ZCCHC14: variants seen among roughly 807,000 people sequenced by gnomAD.
ZCCHC14 encodes the protein zinc finger CCHC domain-containing protein 14.
Under a neutral mutation model 85.0 loss-of-function variants are expected in ZCCHC14, and 16 were observed. The ratio of observed to expected loss-of-function variants is 0.19; its 90% confidence interval spans 0.13 to 0.29. The LOEUF (loss-of-function observed/expected upper bound fraction) is 0.29. Among genes scored for constraint, ZCCHC14 ranks in the 10% least tolerant of loss-of-function variants. The pLI is 1.00. For synonymous variants in ZCCHC14, 775 were observed against 630.7 expected (o/e 1.23, Z -3.43); for missense variants, 1,303 against 1,443.5 (o/e 0.90, Z 1.58).
intron 8 of ZCCHC14, among the ~76,000 whole-genome samples, chr16:87,416,192 C>T (rs1363739039): frequency 6.6e-6 from 1 of 151,964 alleles, no homozygotes; most frequent in Admixed American, 6.5e-5. Context: ...TCCCAAAGTG[C>T]TGGGATTACA....
At chr16:87,440,925 T>C (rs993755470) in intron 2 of ZCCHC14, among the ~76,000 whole-genome samples, 4 of 151,710 alleles carry the variant, frequency 2.6e-5, no homozygotes, top group African/African-American at 9.7e-5. Flanking sequence ...CTGCCCTTCA[T>C]TTTCAGATGA....
At chr16:87,432,401 G>T (rs931027595) in intron 3 of ZCCHC14, among the ~76,000 whole-genome samples, 1 of 152,208 alleles carries the variant, frequency 6.6e-6, no homozygotes, top group Non-Finnish European at 1.5e-5. Context: ...TTAAGAGAAA[G>T]ATTTCAAGCC....
intron 2 of ZCCHC14, among the ~76,000 whole-genome samples, chr16:87,456,670 C>G (rs567701818): frequency 6.6e-6 from 1 of 151,352 alleles, no homozygotes; most frequent in South Asian, 2.1e-4. Context: ...TGTAACAACG[C>G]TGCATGGCAA....
At chr16:87,442,251 G>A (rs1286825192) in intron 2 of ZCCHC14, among the ~76,000 whole-genome samples, 4 of 152,220 alleles carry the variant, frequency 2.6e-5, no homozygotes, top group East Asian at 1.9e-4. Flanking sequence ...GCCACAGCTC[G>A]GAAAATGGAG....
In ZCCHC14 at chr16:87,485,607, A is replaced by AG. The variant is rs1555526126; in HGVS notation, c.570+6061dup. Among the ~76,000 whole-genome samples, 510 of 143,966 alleles carry AG rather than the reference A, an allele frequency of 3.5e-3. 1 individual carries two copies. Among genetic ancestry groups the AG allele is most frequent in the African/African-American group, 0.012 (446 of 37,508 alleles). The allele number at this position is 143,966 out of a possible 152,430, so 94.4% of individuals were successfully genotyped here. ...CAGTTTTCCAAAAAAAAAAAAAAAAAGAAGAAGAATCTTTTTCTAAAATCT... is the reference window on the plus strand; with the variant it reads ...CAGTTTTCCAAAAAAAAAAAAAAAAAGGAAGAAGAATCTTTTTCTAAAATCT... On this transcript the variant is annotated intron_variant, in intron 1 of 12. Coordinates refer to ENST00000671377, the MANE Select transcript of ZCCHC14 (RefSeq NM_015144.3).
intron 2 of ZCCHC14, among the ~76,000 whole-genome samples, chr16:87,433,547 C>T (rs1909765807): frequency 1.3e-5 from 2 of 152,242 alleles, no homozygotes; most frequent in Non-Finnish European, 2.9e-5. Context: ...CCCTCAAAAC[C>T]GTTACGAATC....
At chr16:87,485,711 A>C (rs1231224013) in intron 1 of ZCCHC14, among the ~76,000 whole-genome samples, 1 of 152,178 alleles carries the variant, frequency 6.6e-6, no homozygotes, top group East Asian at 1.9e-4. Context: ...CTTCGTCATC[A>C]ATTCAACAAA....
At chr16:87,411,263 G>A (rs1908419448) in intron 12 of ZCCHC14, 3 of 1,034,820 alleles carry the variant, frequency 2.9e-6, no homozygotes, top group South Asian at 3.3e-5. Context: ...GGCAGTCCAG[G>A]GAGGCCCTGT....
intron 2 of ZCCHC14, among the ~76,000 whole-genome samples, 168 bp downstream of exon 2, chr16:87,459,840 T>C (rs529207613): frequency 6.6e-6 from 1 of 152,166 alleles, no homozygotes; most frequent in Non-Finnish European, 1.5e-5. Flanking sequence ...AATTGAGATT[T>C]TTACAGCCAA....
Position 87,481,555 on chromosome 16 carries a change from G to T in ZCCHC14, c.570+10114C>A, listed in dbSNP as rs865993670. Among the ~76,000 whole-genome samples the T allele has an allele frequency of 6.7e-4, 34 of 50,598 alleles. 1 individual carries two copies. Among genetic ancestry groups the T allele is most frequent in the African/African-American group, 2.6e-3 (34 of 12,844 alleles). The allele number at this position is 50,598 out of a possible 152,430, so 33.2% of individuals were successfully genotyped here. ...GGGGGGGGGGGGTGGGGGGGGGGAA[G>T]GGTAAGCGGGAGGGGAAAGGAAGGA... On this transcript the variant is annotated intron_variant, in intron 1 of 12. Coordinates refer to ENST00000671377, the MANE Select transcript of ZCCHC14 (RefSeq NM_015144.3).
chr16:87,460,141 C>G lies in ZCCHC14; in HGVS notation c.571-10G>C. 2 of 1,612,966 alleles carry G rather than the reference C, an allele frequency of 1.2e-6. No individual in the cohort carries two copies. Among genetic ancestry groups the G allele is most frequent in the African/African-American group, 2.7e-5 (2 of 75,014 alleles). On this transcript the variant is annotated splice_polypyrimidine_tract_variant and intron_variant, in intron 1 of 12. Transcript: ENST00000671377. Reference sequence around the variant, plus strand: ...CAGTTCTTGGAGTGATCTGAGGGAACAGAAACAGAATCATCTTATTTTCTC... The same window carrying G: ...CAGTTCTTGGAGTGATCTGAGGGAAGAGAAACAGAATCATCTTATTTTCTC...
chr16:87,411,734 G>T lies in ZCCHC14; in HGVS notation c.2987C>A (p.Thr996Asn). ...CTGCCCACTCAGGACAGGGTCTGGGGTCCCGCTGCTGCTGTAAGGGGCGTG... is the reference window on the plus strand; with the variant it reads ...CTGCCCACTCAGGACAGGGTCTGGGTTCCCGCTGCTGCTGTAAGGGGCGTG... ...VVHAPYSSSG[T>N]PDPVLSGQST... Residue 996 changes from threonine (T) to asparagine (N), a missense_variant, in exon 12 of 13, where the codon ACC (threonine) becomes AAC (asparagine). Transcript: ENST00000671377. The T allele has an allele frequency of 6.2e-7, 1 of 1,613,932 alleles. No homozygotes were observed. Among genetic ancestry groups the T allele is most frequent in the Non-Finnish European group, 8.5e-7 (1 of 1,180,012 alleles).
chr16:87,457,893 G>C (rs1195584132), intron 2 of ZCCHC14, among the ~76,000 whole-genome samples: 1 of 152,158 alleles, frequency 6.6e-6, no homozygotes. Flanking sequence ...AATGGAGAAT[G>C]CTGCAGGTAA....
Position 87,417,442 on chromosome 16 carries a change from G to C in ZCCHC14, c.1383+18C>G. The C allele has an allele frequency of 1.2e-6, 2 of 1,610,430 alleles. No homozygotes were observed. Among genetic ancestry groups the C allele is most frequent in the East Asian group, 2.2e-5 (1 of 44,814 alleles). On this transcript the variant is annotated intron_variant, in intron 8 of 12. Coordinates refer to ENST00000671377, the MANE Select transcript of ZCCHC14 (RefSeq NM_015144.3). Reference sequence around the variant, plus strand: ...ACAATCTAGCAATTCTGTACGGCCAGCCAGAAAACCGACATACCTTCTCCA... The same window carrying C: ...ACAATCTAGCAATTCTGTACGGCCACCCAGAAAACCGACATACCTTCTCCA...
At position 87,419,039 on chromosome 16, in the gene ZCCHC14, C is replaced by G. The variant is rs978915691; in HGVS notation, c.1046-138G>C. Reference sequence around the variant, plus strand: ...TGGTGCGATCTCGGCTCACTGCAACCTCTGCCTCCCGGGTTCAAGTGATTC... The same window carrying G: ...TGGTGCGATCTCGGCTCACTGCAACGTCTGCCTCCCGGGTTCAAGTGATTC... On this transcript the variant is annotated intron_variant, in intron 6 of 12. Coordinates refer to ENST00000671377, the MANE Select transcript of ZCCHC14 (RefSeq NM_015144.3). 3 of 732,240 alleles carry G rather than the reference C, an allele frequency of 4.1e-6. No individual in the cohort carries two copies. In the African/African-American group the frequency reaches 5.4e-5, roughly 13 times the overall value. The allele number at this position is 732,240 out of a possible 1,614,324, so 45.4% of individuals were successfully genotyped here.
chr16:87,451,068 T>G (rs1034018764), intron 2 of ZCCHC14, among the ~76,000 whole-genome samples: 3 of 148,524 alleles, frequency 2.0e-5, no homozygotes, highest in Non-Finnish European at 4.5e-5. Context: ...CCGGCTAATT[T>G]TTTGTATTTT....
At position 87,487,015 on chromosome 16, in the gene ZCCHC14, C is replaced by G. The variant is rs145094294; in HGVS notation, c.570+4654G>C. Among the ~76,000 whole-genome samples the G allele has an allele frequency of 3.3e-5, 5 of 152,364 alleles. No homozygotes were observed. In the South Asian group the frequency reaches 1.0e-3, roughly 32 times the overall value. ...AAACCACTTATACTTTGCCTGATAACCAGAGGATGAACTATCCCATGTTTC... is the reference window on the plus strand; with the variant it reads ...AAACCACTTATACTTTGCCTGATAAGCAGAGGATGAACTATCCCATGTTTC... On this transcript the variant is annotated intron_variant, in intron 1 of 12. Coordinates refer to ENST00000671377, the MANE Select transcript of ZCCHC14 (RefSeq NM_015144.3).
At chr16:87,452,035 C>T (rs907551424) in intron 2 of ZCCHC14, among the ~76,000 whole-genome samples, 15 of 152,214 alleles carry the variant, frequency 9.9e-5, no homozygotes, top group African/African-American at 3.4e-4. Context: ...TGAGCCACCA[C>T]GGACAAGCCG....
At chr16:87,437,137 G>C (rs947990728) in intron 2 of ZCCHC14, among the ~76,000 whole-genome samples, 1 of 151,996 alleles carries the variant, frequency 6.6e-6, no homozygotes, top group Non-Finnish European at 1.5e-5. Flanking sequence ...AGGAGTTAGA[G>C]ACCAGCCTGA....
Sources: allele counts gnomAD v4.1 joint callset (sites outside exome capture counted in the v4.1 genomes callset), GRCh38; gene constraint gnomAD v4.1.1; transcripts MANE v1.5; gene names NCBI Gene and HGNC (gene_info 2026-07-23, HGNC 2026-07-21).